KCNH8: variants seen among roughly 807,000 people sequenced by gnomAD.
The protein encoded by KCNH8 is potassium voltage-gated channel subfamily H member 8.
A neutral mutation model predicts 103.6 loss-of-function variants in KCNH8; 70 were observed. That is an observed-to-expected ratio of 0.68 (90% CI 0.56 to 0.82). The LOEUF is 0.82. Among genes scored for constraint, KCNH8 ranks in the 40% least tolerant of loss-of-function variants. The pLI is 0.00. For synonymous variants in KCNH8, 498 were observed against 489.4 expected, an observed-to-expected ratio of 1.02 and a Z score of -0.23; for missense variants, 1,217 against 1,329.9, an observed-to-expected ratio of 0.92 and a Z score of 1.32.
chr3:19,224,355 G>T (rs187617932), intron 1 of KCNH8, among the ~76,000 whole-genome samples: 1 of 152,050 alleles, frequency 6.6e-6, no homozygotes, highest in Non-Finnish European at 1.5e-5. Flanking sequence ...AAGCCTGTGG[G>T]AAATTAGTCT....
At chr3:19,529,495 A>C (rs943459893) in intron 15 of KCNH8, among the ~76,000 whole-genome samples, 3 of 152,132 alleles carry the variant, frequency 2.0e-5, no homozygotes, top group Non-Finnish European at 2.9e-5. Flanking sequence ...TCTTCTTACC[A>C]TGCTATGAAG....
rs570237460 is a variant in KCNH8 at position 19,368,558 on chromosome 3, C to A, written c.811+20593C>A. Among the ~76,000 whole-genome samples, 33 of 152,100 alleles carry A rather than the reference C, an allele frequency of 2.2e-4. No homozygotes were observed. In the South Asian group the frequency reaches 6.2e-3, roughly 29 times the overall value. On this transcript the variant is annotated intron_variant, in intron 5 of 15. Coordinates refer to ENST00000328405, the MANE Select transcript of KCNH8 (RefSeq NM_144633.3). Reference sequence around the variant, plus strand: ...ATAATTATACCTAAGACTAGCCTTACTACAGACTAAAGGAAATTCATGGCT... The same window carrying A: ...ATAATTATACCTAAGACTAGCCTTAATACAGACTAAAGGAAATTCATGGCT...
At chr3:19,192,316 T>C (rs2063561017) in intron 1 of KCNH8, among the ~76,000 whole-genome samples, 1 of 151,684 alleles carries the variant, frequency 6.6e-6, no homozygotes, top group South Asian at 2.1e-4. Flanking sequence ...TTTGTTTTCA[T>C]TTTTTGAGGT....
At chr3:19,156,957 T>A (rs1409139549) in intron 1 of KCNH8, among the ~76,000 whole-genome samples, 1 of 151,028 alleles carries the variant, frequency 6.6e-6, no homozygotes, top group Non-Finnish European at 1.5e-5. Context: ...AACTCTCAAG[T>A]CTATAAAGCT....
At chr3:19,361,936 T>G (rs1364372288) in intron 5 of KCNH8, among the ~76,000 whole-genome samples, 13 of 152,148 alleles carry the variant, frequency 8.5e-5, no homozygotes, top group Non-Finnish European at 1.5e-4. Flanking sequence ...AAGAAGTTGA[T>G]ACAAGATCTG....
rs2063100548 is a variant in KCNH8, at chr3:19,148,796, G to GC, written c.76+1_76+2insC. The GC allele has an allele frequency of 6.2e-7, 1 of 1,613,344 alleles. No individual in the cohort carries two copies. The highest frequency in any genetic ancestry group is 2.2e-5 in the East Asian group (1 of 44,864). ...ATCGCCACCCGTTTTGACGGAACACGTAAGTCTTACACTTGAACGAGTGGT... is the reference window on the plus strand; with the variant it reads ...ATCGCCACCCGTTTTGACGGAACACGCTAAGTCTTACACTTGAACGAGTGGT... On this transcript the variant is annotated splice_donor_variant, in intron 1 of 15. Coordinates refer to ENST00000328405, the MANE Select transcript of KCNH8 (RefSeq NM_144633.3). LOFTEE classifies it high-confidence loss of function.
chr3:19,361,901 A>G (rs891796028), intron 5 of KCNH8, among the ~76,000 whole-genome samples: 2 of 152,140 alleles, frequency 1.3e-5, no homozygotes, highest in Admixed American at 1.3e-4. Flanking sequence ...ATATTTGTAT[A>G]CATAAGGAGA....
intron 1 of KCNH8, among the ~76,000 whole-genome samples, chr3:19,191,731 G>T (rs1023976622): frequency 6.6e-6 from 1 of 151,678 alleles, no homozygotes. Flanking sequence ...ATTCTGCGGG[G>T]AGGTCCCACT....
At chr3:19,172,502 T>C (rs2063358121) in intron 1 of KCNH8, among the ~76,000 whole-genome samples, 1 of 152,242 alleles carries the variant, frequency 6.6e-6, no homozygotes. Flanking sequence ...TGATCACTTA[T>C]ATTCAGGAGC....
At chr3:19,258,164 A>G (rs911981551) in intron 2 of KCNH8, among the ~76,000 whole-genome samples, 2 of 152,102 alleles carry the variant, frequency 1.3e-5, no homozygotes, top group Non-Finnish European at 2.9e-5. Context: ...AGACTGCAAC[A>G]TATCTTTTGG....
intron 2 of KCNH8, among the ~76,000 whole-genome samples, chr3:19,258,277 G>T (rs192472973): frequency 3.3e-5 from 5 of 151,946 alleles, no homozygotes; most frequent in Non-Finnish European, 5.9e-5. Context: ...AAAAAACCCC[G>T]AATGCATAAA....
intron 8 of KCNH8, among the ~76,000 whole-genome samples, chr3:19,449,405 C>T (rs2067410925): frequency 6.6e-6 from 1 of 151,482 alleles, no homozygotes; most frequent in Admixed American, 6.6e-5. Flanking sequence ...CTTGAATGGT[C>T]TCAAATTTTC....
intron 1 of KCNH8, among the ~76,000 whole-genome samples, chr3:19,195,970 A>G (rs964894920): frequency 2.6e-5 from 4 of 151,950 alleles, no homozygotes; most frequent in African/African-American, 9.7e-5. Context: ...TAAATCTAAT[A>G]TCTGTCTATC....
intron 1 of KCNH8, among the ~76,000 whole-genome samples, chr3:19,179,513 A>G (rs115084102): frequency 0.022 from 3,350 of 152,236 alleles, 125 homozygotes; most frequent in African/African-American, 0.075. Flanking sequence ...AACTCATCTC[A>G]GGGGCTTGAA....
chr3:19,442,382 C>CTTATGG (rs2125175491), intron 8 of KCNH8, among the ~76,000 whole-genome samples: 1 of 152,272 alleles, frequency 6.6e-6, no homozygotes, highest in East Asian at 1.9e-4. Flanking sequence ...ACTAATTTGA[C>CTTATGG]ATTTCAAAAA....
At chr3:19,228,955 C>T (rs1252225891) in intron 1 of KCNH8, among the ~76,000 whole-genome samples, 2 of 152,208 alleles carry the variant, frequency 1.3e-5, no homozygotes, top group African/African-American at 4.8e-5. Flanking sequence ...GCAGCGAAGC[C>T]GGATCTTGGA....
In KCNH8 at chr3:19,240,338, C is replaced by T. The variant is rs540383142; in HGVS notation, c.77-13316C>T. Among the ~76,000 whole-genome samples, 30 of 152,212 alleles carry T rather than the reference C, an allele frequency of 2.0e-4. No individual in the cohort carries two copies. In the South Asian group the frequency reaches 3.9e-3, roughly 20 times the overall value. ...CTTAAACTTCAGAAATTAGGCCAGGCGCAGTGGCTCATGCCTGTAATCCCA... is the reference window on the plus strand; with the variant it reads ...CTTAAACTTCAGAAATTAGGCCAGGTGCAGTGGCTCATGCCTGTAATCCCA... On this transcript the variant is annotated intron_variant, in intron 1 of 15. Transcript: ENST00000328405.
chr3:19,211,872 TAG>T (rs2063774939), intron 1 of KCNH8, among the ~76,000 whole-genome samples: 1 of 152,158 alleles, frequency 6.6e-6, no homozygotes, highest in Non-Finnish European at 1.5e-5. Context: ...TAAGGAAAAG[TAG>T]AGACAAATAA....
chr3:19,486,856 C>T (rs1354366419), intron 11 of KCNH8, among the ~76,000 whole-genome samples: 1 of 152,144 alleles, frequency 6.6e-6, no homozygotes, highest in Non-Finnish European at 1.5e-5. Context: ...TGCAGATGAC[C>T]TGCTTTCTTC....
Sources: gnomAD v4.1 joint callset for allele counts (sites outside exome capture counted in the v4.1 genomes callset) on GRCh38, gnomAD v4.1.1 for gene constraint, MANE v1.5 for transcripts, NCBI Gene and HGNC (gene_info 2026-07-23, HGNC 2026-07-21) for gene names.